BBIP1: variants seen among roughly 807,000 people sequenced by gnomAD.
BBIP1 encodes BBSome interacting protein 1.
BBIP1 carries 6 observed loss-of-function variants against 8.9 expected under a neutral mutation model. The ratio of observed to expected loss-of-function variants is 0.67; its 90% confidence interval spans 0.37 to 1.33. The LOEUF (loss-of-function observed/expected upper bound fraction) is 1.33. Ranked by LOEUF, BBIP1 falls within the 40% of genes most tolerant of loss-of-function variation. The probability of loss-of-function intolerance (pLI) is 0.02; values close to 1 mark genes in which losing one functional copy is unlikely to be tolerated. For synonymous variants in BBIP1, 32 were observed against 33.4 expected (o/e 0.96, Z 0.14); for missense variants, 111 against 109.2 (o/e 1.02, Z -0.07).
At chr10:110,908,030 G>A (rs1846187890) in intron 2 of BBIP1, 1 of 379,958 alleles carries the variant, frequency 2.6e-6, no homozygotes, top group Non-Finnish European at 4.7e-6. Context: ...TATTCCTAGG[G>A]CAATGTCACT....
chr10:110,905,386 C>T (rs1399855129), intron 2 of BBIP1, among the ~76,000 whole-genome samples: 2 of 152,082 alleles, frequency 1.3e-5, no homozygotes, highest in Middle Eastern at 3.4e-3. Flanking sequence ...CATGGTGAAA[C>T]CCCGTCTGTA....
intron 2 of BBIP1, chr10:110,907,978 A>ATT: frequency 1.9e-6 from 1 of 536,544 alleles, no homozygotes; most frequent in East Asian, 3.1e-5. Flanking sequence ...GAATTCTTTA[A>ATT]AAGTGCAATC....
intron 2 of BBIP1, among the ~76,000 whole-genome samples, chr10:110,905,344 CAA>C (rs1454530087): frequency 1.3e-5 from 2 of 152,044 alleles, no homozygotes; most frequent in African/African-American, 2.4e-5. Context: ...GGACGGATCA[CAA>C]AGTCAGGAGA....
rs1845892952 is a variant in BBIP1 at position 110,898,770 on chromosome 10, G to C, written c.*1590C>G. ...TCTTTATTGGGAGTACATTTTTTTA[G>C]GTCTCTTAAACTTTAATTTCACACA... is the stretch of plus-strand genomic sequence containing the variant. On this transcript the variant is annotated 3_prime_UTR_variant, in exon 4 of 4. Coordinates refer to ENST00000448814, the MANE Select transcript of BBIP1 (RefSeq NM_001195305.3). 1 of 152,436 alleles carries C rather than the reference G, an allele frequency of 6.6e-6. No homozygotes were observed. Among genetic ancestry groups the C allele is most frequent in the South Asian group, 2.1e-4 (1 of 4,818 alleles). The allele number at this position is 152,436 out of a possible 1,614,324, so 9.4% of individuals were successfully genotyped here. A position where few individuals can be genotyped will look rare whatever the true frequency, so the allele number is the denominator to read the frequency against.
chr10:110,900,608 C>G, intron 3 of BBIP1, 82 bp from the exon 4 acceptor site: 1 of 1,169,666 alleles, frequency 8.5e-7, no homozygotes, highest in Non-Finnish European at 1.2e-6. Context: ...GAATGAAGGT[C>G]TAAAAAATTA....
At chr10:110,901,305 A>C in intron 3 of BBIP1, 2 of 517,898 alleles carry the variant, frequency 3.9e-6, no homozygotes, top group South Asian at 2.1e-5. Context: ...TATTGTAATT[A>C]GGAATTTTAG....
intron 2 of BBIP1, chr10:110,911,993 G>A (rs1197342036): frequency 1.3e-5 from 2 of 152,138 alleles, no homozygotes; most frequent in Non-Finnish European, 2.9e-5. Flanking sequence ...ACAAAGGAGG[G>A]TGAAAATAAA....
chr10:110,905,952 T>C (rs1846123104), intron 2 of BBIP1, among the ~76,000 whole-genome samples: 1 of 152,122 alleles, frequency 6.6e-6, no homozygotes, highest in Non-Finnish European at 1.5e-5. Flanking sequence ...CTTTTTTTCT[T>C]CCTGGACCTC....
intron 2 of BBIP1, among the ~76,000 whole-genome samples, chr10:110,913,080 G>A (rs1250758161): frequency 6.6e-6 from 1 of 152,164 alleles, no homozygotes; most frequent in Non-Finnish European, 1.5e-5. Context: ...ATGAAGTACA[G>A]GGTTGCTCTC....
At chr10:110,916,895 G>A (rs1388674034) in intron 2 of BBIP1, among the ~76,000 whole-genome samples, 1 of 152,138 alleles carries the variant, frequency 6.6e-6, no homozygotes, top group Non-Finnish European at 1.5e-5. Flanking sequence ...ACTGGAGAGG[G>A]GTAAGCATGC....
chr10:110,907,874 A>T (rs911189003), intron 2 of BBIP1: 1 of 663,666 alleles, frequency 1.5e-6, no homozygotes, highest in Admixed American at 2.3e-5. Flanking sequence ...TTTTAATAGC[A>T]GGACTGTTTA....
chr10:110,901,528 A>G lies in BBIP1; in HGVS notation c.112+10T>C. On this transcript the variant is annotated intron_variant, in intron 3 of 3. Transcript: ENST00000448814. ...ATAATCAATGACCTCAATATTTGTG[A>G]TGTACATACCTTGCTTTGGAAGAAC... 1 of 1,520,992 alleles carries G rather than the reference A, an allele frequency of 6.6e-7. No individual in the cohort carries two copies. The highest frequency in any genetic ancestry group is 8.8e-7 in the Non-Finnish European group (1 of 1,133,166). The allele number at this position is 1,520,992 out of a possible 1,614,324, so 94.2% of individuals were successfully genotyped here.
intron 2 of BBIP1, chr10:110,912,242 A>C (rs1345998645): frequency 6.7e-6 from 1 of 149,430 alleles, no homozygotes; most frequent in Non-Finnish European, 1.5e-5. Context: ...TAAATCTCTT[A>C]GGAAGAAAAA....
chr10:110,918,009 A>T, intron 2 of BBIP1, 112 bp downstream of exon 2: 1 of 877,864 alleles, frequency 1.1e-6, no homozygotes, highest in Non-Finnish European at 1.8e-6. Flanking sequence ...AAGAAACAAG[A>T]GTAGTTCATT....
chr10:110,901,051 C>T (rs1845985762), intron 3 of BBIP1: 1 of 415,380 alleles, frequency 2.4e-6, no homozygotes, highest in Admixed American at 2.8e-5. Context: ...TTTGGGATGC[C>T]AAAGGGGTTG....
intron 2 of BBIP1, chr10:110,906,566 TTCC>T (rs1846141623): frequency 1.6e-5 from 1 of 63,290 alleles, no homozygotes; most frequent in Non-Finnish European, 3.7e-5. Flanking sequence ...TCTATTCTTC[TTCC>T]TTTTTTTTGA....
intron 2 of BBIP1, chr10:110,917,891 A>T: frequency 1.7e-6 from 1 of 572,400 alleles, no homozygotes. Flanking sequence ...ACTCAGAGGA[A>T]ATTACTTCCT....
Position 110,899,579 on chromosome 10 carries a change from C to G in BBIP1, c.*781G>C, listed in dbSNP as rs774549387. ...TTGGGAGGCCGAGGTGGGCGGATCA[C>G]TTGAGGTTGGGAGTTCATGACCAGC... On this transcript the variant is annotated 3_prime_UTR_variant, in exon 4 of 4. Transcript: ENST00000448814. 1.3e-5 allele frequency: 2 copies of G among 152,252 alleles called. No individual in the cohort carries two copies. Among genetic ancestry groups the G allele is most frequent in the African/African-American group, 4.8e-5 (2 of 41,434 alleles). 9.4% of individuals were successfully genotyped at this position (152,252 alleles called of 1,614,324 possible). A position where few individuals can be genotyped will look rare whatever the true frequency, so the allele number is the denominator to read the frequency against.
intron 2 of BBIP1, chr10:110,910,642 A>G (rs539736386): frequency 1.3e-5 from 2 of 152,238 alleles, no homozygotes; most frequent in Non-Finnish European, 2.9e-5. Context: ...TTGAGATTCA[A>G]ACATCCTCCA....
Sources: gnomAD v4.1 joint callset for allele counts (sites outside exome capture counted in the v4.1 genomes callset) on GRCh38, gnomAD v4.1.1 for gene constraint, MANE v1.5 for transcripts, NCBI Gene and HGNC (gene_info 2026-07-23, HGNC 2026-07-21) for gene names.